GIMAP8: variants seen among roughly 807,000 people sequenced by gnomAD.
GIMAP8 encodes the protein GTPase IMAP family member 8.
In GIMAP8, 29 loss-of-function variants were observed where a neutral mutation model predicts 35.6. That is an observed-to-expected ratio of 0.81 (90% CI 0.61 to 1.11). GIMAP8 has a LOEUF of 1.11. Ranked by LOEUF, GIMAP8 falls within the 50% of genes most tolerant of loss-of-function variation. The pLI is 0.00. For synonymous variants in GIMAP8, 335 were observed against 308.7 expected (o/e 1.09, Z -0.89); for missense variants, 811 against 805.0 (o/e 1.01, Z -0.09).
In GIMAP8 at chr7:150,451,553, G is replaced by A. The variant is rs980987514; in HGVS notation, c.-29+378G>A. Reference sequence around the variant, plus strand: ...GTCCTAAAAGAAGGCGTGTCGGGGAGTGGGTGTGAGCCCTGAAGAGGAGGA... The same window carrying A: ...GTCCTAAAAGAAGGCGTGTCGGGGAATGGGTGTGAGCCCTGAAGAGGAGGA... On this transcript the variant is annotated intron_variant, in intron 1 of 4. Transcript: ENST00000307271. This position sits in a 1 kb window ranked among gnomAD's most constrained non-coding sequence, Gnocchi z 4.1. 1.3e-5 allele frequency among the ~76,000 whole-genome samples: 2 copies of A among 152,190 alleles called. No homozygotes were observed. The highest frequency in any genetic ancestry group is 6.5e-5 in the Admixed American group (1 of 15,286).
Position 150,470,746 on chromosome 7 carries a change from CTTTTTTTTTTTTT to C in GIMAP8, c.637-73_637-61del. 7 of 467,986 alleles carry C rather than the reference CTTTTTTTTTTTTT, an allele frequency of 1.5e-5. No homozygotes were observed. In the East Asian group the frequency reaches 1.6e-4, roughly 11 times the overall value. The allele number at this position is 467,986 out of a possible 1,614,324, so 29.0% of individuals were successfully genotyped here. A position where few individuals can be genotyped will look rare whatever the true frequency, so the allele number is the denominator to read the frequency against. On this transcript the variant is annotated intron_variant, in intron 2 of 4. Coordinates refer to ENST00000307271, the MANE Select transcript of GIMAP8 (RefSeq NM_175571.4). Reference sequence around the variant, plus strand: ...CATTCTGAATTAATACTTCAATTTCCTTTTTTTTTTTTTTTTTTTTTTCAGTTTGTGGAAGATG... The same window carrying C: ...CATTCTGAATTAATACTTCAATTTCCTTTTTTTTTCAGTTTGTGGAAGATG...
chr7:150,477,716 A>AAAATGTCCAGG lies in GIMAP8; in HGVS notation c.1943_1953dup (p.Gln652ArgfsTer13). On this transcript the variant is annotated frameshift_variant, in exon 5 of 5. Coordinates refer to ENST00000307271, the MANE Select transcript of GIMAP8 (RefSeq NM_175571.4). LOFTEE classifies it low-confidence loss of function (END_TRUNC). ...CAGGAGAACGTCAGCAAACTAATTA[A>AAAATGTCCAGG]AAATGTCCAGGAAATGTCCCAAGCC... The AAAATGTCCAGG allele has an allele frequency of 6.2e-7, 1 of 1,614,178 alleles. No homozygotes were observed. Among genetic ancestry groups the AAAATGTCCAGG allele is most frequent in the South Asian group, 1.1e-5 (1 of 91,084 alleles).
chr7:150,452,709 T>TATATATATATATACAC (rs1373884339), intron 1 of GIMAP8, among the ~76,000 whole-genome samples: 341 of 106,492 alleles, frequency 3.2e-3, no homozygotes, highest in East Asian at 0.013. Context: ...TATATATATA[T>TATATATATATATACAC]ACATGCGAGT....
chr7:150,458,016 A>G (rs569283523), intron 1 of GIMAP8, among the ~76,000 whole-genome samples: 1 of 152,318 alleles, frequency 6.6e-6, no homozygotes, highest in Admixed American at 6.5e-5. Flanking sequence ...AGAGAGCCAT[A>G]TGCCTGGCTC....
chr7:150,459,364 A>G (rs571704425), intron 1 of GIMAP8, among the ~76,000 whole-genome samples: 1 of 152,176 alleles, frequency 6.6e-6, no homozygotes, highest in African/African-American at 2.4e-5. Context: ...CAATGGAGTC[A>G]TTGTTGTATC....
In GIMAP8 at chr7:150,466,725, C is replaced by T. The variant is rs370191374; in HGVS notation, c.27C>T (p.Ser9=). Residue 9 remains serine, a synonymous_variant, in exon 2 of 5, where the codon TCC becomes TCT. Transcript: ENST00000307271. MSEQSCQM[S]ELRLLLLGKC... ...TGTCAGAGCAGAGCTGCCAGATGTC[C>T]GAACTGCGGCTCCTCCTCCTGGGAA... 52 of 1,613,982 alleles carry T rather than the reference C, an allele frequency of 3.2e-5. No individual in the cohort carries two copies. Among genetic ancestry groups the T allele is most frequent in the Admixed American group, 8.3e-5 (5 of 60,010 alleles).
chr7:150,458,031 A>G (rs992142198), intron 1 of GIMAP8, among the ~76,000 whole-genome samples: 2 of 152,060 alleles, frequency 1.3e-5, no homozygotes, highest in Non-Finnish European at 2.9e-5. Flanking sequence ...TGGCTCCTTC[A>G]CCTCCTCACC....
Position 150,467,104 on chromosome 7 carries a change from A to G in GIMAP8, c.406A>G (p.Lys136Glu), listed in dbSNP as rs1801981694. ...RRHIIIVFTRKDDLGDDLLQD... is the reference protein window; with the variant it reads ...RRHIIIVFTREDDLGDDLLQD... ...GCACATCATTATTGTCTTCACTCGG[A>G]AGGATGATTTGGGGGATGACTTGCT... Residue 136 changes from lysine (K) to glutamate (E), a missense_variant, in exon 2 of 5, where the codon AAG (lysine) becomes GAG (glutamate). Physicochemically the swap from Lys to Glu is moderately conservative, Grantham distance 56. Coordinates refer to ENST00000307271, the MANE Select transcript of GIMAP8 (RefSeq NM_175571.4). 1 of 1,614,056 alleles carries G rather than the reference A, an allele frequency of 6.2e-7. No homozygotes were observed. Among genetic ancestry groups the G allele is most frequent in the Admixed American group, 1.7e-5 (1 of 60,006 alleles).
Position 150,477,762 on chromosome 7 carries a change from A to T in GIMAP8, c.1980A>T (p.Leu660Phe), listed in dbSNP as rs778809911. The T allele has an allele frequency of 2.5e-6, 4 of 1,613,042 alleles. No homozygotes were observed. Among genetic ancestry groups the T allele is most frequent in the Non-Finnish European group, 3.4e-6 (4 of 1,179,708 alleles). Reference protein sequence around the residue: ...MSQAEKLLKNLIGILQ With the variant: ...MSQAEKLLKNFIGILQ ...AAGCCGAAAAACTCCTTAAAAATTT[A>T]ATAGGTATTTTACAATAGGTAGCCG... The change falls in exon 5 of 5, where the codon TTA becomes TTT. Residue 660 changes from leucine (L) to phenylalanine (F), a missense_variant. Leu to Phe is a conservative substitution (Grantham distance 22). Coordinates refer to ENST00000307271, the MANE Select transcript of GIMAP8 (RefSeq NM_175571.4).
chr7:150,465,840 G>A (rs1801945115), intron 1 of GIMAP8, among the ~76,000 whole-genome samples: 1 of 152,242 alleles, frequency 6.6e-6, no homozygotes, highest in African/African-American at 2.4e-5. Flanking sequence ...TAGGTAATAT[G>A]TGGAAACTTG....
At chr7:150,464,245 G>A (rs1293982811) in intron 1 of GIMAP8, among the ~76,000 whole-genome samples, 6 of 152,102 alleles carry the variant, frequency 3.9e-5, no homozygotes, top group Non-Finnish European at 8.8e-5. Flanking sequence ...AAATTGATAC[G>A]ATTCTTTGTA....
chr7:150,454,210 G>A lies in GIMAP8; in HGVS notation c.-29+3035G>A, dbSNP rs1008597254. ...GCAGCTGGGCACAAGGTAGGGTCTCGTGACCACTATAAAGGCTTTGCCTTT... is the reference window on the plus strand; with the variant it reads ...GCAGCTGGGCACAAGGTAGGGTCTCATGACCACTATAAAGGCTTTGCCTTT... On this transcript the variant is annotated intron_variant, in intron 1 of 4. Transcript: ENST00000307271. 4.6e-5 allele frequency among the ~76,000 whole-genome samples: 7 copies of A among 151,842 alleles called. No homozygotes were observed. The East Asian group carries it at 5.8e-4, about 13-fold the overall frequency.
chr7:150,475,891 G>T (rs145553382), intron 4 of GIMAP8, among the ~76,000 whole-genome samples: 1 of 152,288 alleles, frequency 6.6e-6, no homozygotes, highest in East Asian at 1.9e-4. Flanking sequence ...CATGTCACTT[G>T]TTAGGGGACA....
rs541547816 is a variant in GIMAP8 at position 150,466,898 on chromosome 7, C to T, written c.200C>T (p.Pro67Leu). Residue 67 changes from proline (P) to leucine (L), a missense_variant, in exon 2 of 5, where the codon CCT becomes CTT. Pro to Leu is a moderately conservative substitution (Grantham distance 98). Coordinates refer to ENST00000307271, the MANE Select transcript of GIMAP8 (RefSeq NM_175571.4). ...RERKVVVIDT[P>L]DLFSSIACAE... ...AGGAAGGTTGTGGTAATTGACACCC[C>T]TGACCTTTTCTCCTCAATAGCTTGT... The T allele has an allele frequency of 1.2e-6, 2 of 1,614,242 alleles. No individual in the cohort carries two copies. The highest frequency in any genetic ancestry group is 2.7e-5 in the African/African-American group (2 of 75,068).
Position 150,467,147 on chromosome 7 carries a change from AAAAC to A in GIMAP8, c.454_457del (p.Lys152LeufsTer41), listed in dbSNP as rs1801983184. 1 of 1,614,224 alleles carries A rather than the reference AAAAC, an allele frequency of 6.2e-7. No homozygotes were observed. Among genetic ancestry groups the A allele is most frequent in the East Asian group, 2.2e-5 (1 of 44,878 alleles). On this transcript the variant is annotated frameshift_variant, in exon 2 of 5. Coordinates refer to ENST00000307271, the MANE Select transcript of GIMAP8 (RefSeq NM_175571.4). LOFTEE classifies it high-confidence loss of function. ...GACTTGCTGCAAGATTTCATTGAAA[AAAAC>A]AAACCTCTCAAGCAGTTGGTTCAAG...
intron 1 of GIMAP8, among the ~76,000 whole-genome samples, chr7:150,463,828 G>C (rs1395789736): frequency 6.6e-6 from 1 of 152,234 alleles, no homozygotes; most frequent in Non-Finnish European, 1.5e-5. Context: ...GAGGACCCGA[G>C]TAGGCCAGTA....
In GIMAP8 at chr7:150,472,161, A is replaced by G. The variant is rs1802108405; in HGVS notation, c.682+1287A>G. ...AGGGCCCAGCACACCATGGGGAGTC[A>G]CAGGGCTGTCAGAAACAGGGGGCAG... On this transcript the variant is annotated intron_variant, in intron 3 of 4. Coordinates refer to ENST00000307271, the MANE Select transcript of GIMAP8 (RefSeq NM_175571.4). The surrounding 1 kb of genome is among the most constrained non-coding windows in gnomAD (Gnocchi z 4.1). Among the ~76,000 whole-genome samples the G allele has an allele frequency of 6.6e-6, 1 of 152,200 alleles. No individual in the cohort carries two copies. Among genetic ancestry groups the G allele is most frequent in the Non-Finnish European group, 1.5e-5 (1 of 68,034 alleles).
rs976895805 is a variant in GIMAP8, at chr7:150,458,866, CAG to C, written c.-29+7695_-29+7696del. The stretch of plus-strand genomic sequence containing the variant: ...TAGAGGGATAAGAGAGGGAAGAAAA[CAG>C]AGATATTTTACACACATACATTCAT... On this transcript the variant is annotated intron_variant, in intron 1 of 4. Transcript: ENST00000307271. Among the ~76,000 whole-genome samples the C allele has an allele frequency of 1.6e-4, 25 of 152,142 alleles. 1 individual carries two copies. Among genetic ancestry groups the C allele is most frequent in the African/African-American group, 3.6e-4 (15 of 41,416 alleles).
intron 1 of GIMAP8, among the ~76,000 whole-genome samples, chr7:150,462,177 G>T (rs1298430182): frequency 1.3e-5 from 2 of 152,070 alleles, no homozygotes; most frequent in East Asian, 3.8e-4. Context: ...TTAGGGTGGG[G>T]CAGAAACAAA....
Sources: gnomAD v4.1 joint callset for allele counts (sites outside exome capture counted in the v4.1 genomes callset) on GRCh38, gnomAD v4.1.1 for gene constraint, Gnocchi (gnomAD v3.1) non-coding constraint, MANE v1.5 for transcripts, NCBI Gene and HGNC (gene_info 2026-07-23, HGNC 2026-07-21) for gene names.